Variants in FANCC observed in about 807,000 individuals in gnomAD.
FANCC encodes the protein FA complementation group C.
FANCC carries 55 observed loss-of-function variants against 71.3 expected under a neutral mutation model. The observed-to-expected ratio is 0.77, with a 90% CI of 0.62 to 0.97. The LOEUF (loss-of-function observed/expected upper bound fraction) is 0.97, where lower values mean the gene tolerates loss of function less well. Among genes scored for constraint, FANCC ranks in the 50% least tolerant of loss-of-function variants. The pLI is 0.00. For missense variants in FANCC, 678 were observed against 670.9 expected, an observed-to-expected ratio of 1.01 and a Z score of -0.12; for synonymous variants, 275 against 244.9, an observed-to-expected ratio of 1.12 and a Z score of -1.15.
rs368189463 is a variant in FANCC at position 95,285,731 on chromosome 9, G to C, written c.-79+31795C>G. ...ACAGTTAAACAGCCACTCATATGCA[G>C]GTTTCTGGTAATGTAATTGGTCCAA... On this transcript the variant is annotated intron_variant, in intron 1 of 14. Transcript: ENST00000289081. Among the ~76,000 whole-genome samples the C allele has an allele frequency of 6.5e-4, 99 of 152,142 alleles. 2 individuals are homozygous for C. The highest frequency in any genetic ancestry group is 2.3e-3 in the African/African-American group (96 of 41,518).
intron 3 of FANCC, among the ~76,000 whole-genome samples, chr9:95,244,932 T>C (rs535211981): frequency 7.2e-5 from 11 of 152,144 alleles, no homozygotes; most frequent in Middle Eastern, 6.8e-3. Context: ...TCCATAATTA[T>C]CTACCCTGCA....
intron 4 of FANCC, among the ~76,000 whole-genome samples, chr9:95,204,868 C>A (rs1464781028): frequency 6.6e-6 from 1 of 152,126 alleles, no homozygotes; most frequent in Non-Finnish European, 1.5e-5. Context: ...CCCGATGGCT[C>A]CCCATAAACA....
At chr9:95,234,205 T>C (rs1364891418) in intron 4 of FANCC, among the ~76,000 whole-genome samples, 1 of 152,338 alleles carries the variant, frequency 6.6e-6, no homozygotes, top group East Asian at 1.9e-4. Context: ...TAATTAAAAG[T>C]TGGCAAAAAT....
chr9:95,300,327 A>C (rs1834642916), intron 1 of FANCC, among the ~76,000 whole-genome samples: 1 of 152,186 alleles, frequency 6.6e-6, no homozygotes, highest in South Asian at 2.1e-4. Context: ...GAATGATCCA[A>C]GTAAAAGACT....
At chr9:95,215,228 AG>A in intron 4 of FANCC, among the ~76,000 whole-genome samples, 1 of 152,162 alleles carries the variant, frequency 6.6e-6, no homozygotes, top group African/African-American at 2.4e-5. Context: ...TTTGCATCTG[AG>A]GATGCAAAGA....
At chr9:95,224,504 TAA>T (rs927274972) in intron 4 of FANCC, among the ~76,000 whole-genome samples, 4 of 144,062 alleles carry the variant, frequency 2.8e-5, no homozygotes, top group African/African-American at 7.6e-5. Flanking sequence ...GAAGATTGGT[TAA>T]AAAAAAAAAA....
intron 4 of FANCC, among the ~76,000 whole-genome samples, chr9:95,209,305 T>C (rs1170601383): frequency 6.6e-6 from 1 of 152,168 alleles, no homozygotes; most frequent in East Asian, 1.9e-4. Flanking sequence ...ATGGTGGATA[T>C]GTGTCATTGC....
intron 3 of FANCC, 61 bp downstream of exon 3, chr9:95,247,371 T>C (rs1831051437): frequency 2.5e-6 from 3 of 1,210,720 alleles, no homozygotes; most frequent in South Asian, 2.4e-5. Context: ...AATGTAAGCC[T>C]CTGTGAAACA....
intron 1 of FANCC, among the ~76,000 whole-genome samples, chr9:95,304,776 G>T (rs1310570444): frequency 7.3e-6 from 1 of 137,468 alleles, no homozygotes; most frequent in African/African-American, 2.6e-5. Context: ...AAAAAAAAAA[G>T]GGAAAACAGA....
chr9:95,284,856 TCTCTCACACACACACACACATACACACA>T (rs1401271092), intron 1 of FANCC, among the ~76,000 whole-genome samples: 1 of 132,390 alleles, frequency 7.6e-6, no homozygotes, highest in Non-Finnish European at 1.6e-5. Context: ...AAGACTCCTC[TCTCTCACACACACACACACATACACACA>T]CACACACACA....
At chr9:95,252,000 G>A (rs1173066329) in intron 1 of FANCC, among the ~76,000 whole-genome samples, 1 of 152,130 alleles carries the variant, frequency 6.6e-6, no homozygotes, top group Non-Finnish European at 1.5e-5. Flanking sequence ...TGAAGAGGCG[G>A]GGCACAGTGG....
intron 6 of FANCC, among the ~76,000 whole-genome samples, chr9:95,155,204 C>CA (rs1319128579): frequency 8.1e-6 from 1 of 124,190 alleles, no homozygotes; most frequent in African/African-American, 3.1e-5. Context: ...GAGACCCTGT[C>CA]AAAAAAAGAA....
Position 95,153,873 on chromosome 9 carries a change from G to C in FANCC, c.522-3786C>G, listed in dbSNP as rs540704601. Among the ~76,000 whole-genome samples, 6 of 152,282 alleles carry C rather than the reference G, an allele frequency of 3.9e-5. 1 individual carries two copies. In the South Asian group the frequency reaches 1.0e-3, roughly 26 times the overall value. ...TCCTATCCCCATTTTCTGATGTCCAGAAATTACTTTCAACCCTAATTAATT... is the reference window on the plus strand; with the variant it reads ...TCCTATCCCCATTTTCTGATGTCCACAAATTACTTTCAACCCTAATTAATT... On this transcript the variant is annotated intron_variant, in intron 6 of 14. Coordinates refer to ENST00000289081, the MANE Select transcript of FANCC (RefSeq NM_000136.3).
At chr9:95,153,990 A>C (rs1425481224) in intron 6 of FANCC, among the ~76,000 whole-genome samples, 2 of 152,146 alleles carry the variant, frequency 1.3e-5, no homozygotes, top group Non-Finnish European at 2.9e-5. Flanking sequence ...TCATGCCTGT[A>C]ATCCCAGCAC....
chr9:95,213,626 C>T (rs1828647198), intron 4 of FANCC, among the ~76,000 whole-genome samples: 1 of 152,132 alleles, frequency 6.6e-6, no homozygotes, highest in Admixed American at 6.5e-5. Flanking sequence ...CAACTGTGTA[C>T]CCTTACCTAG....
chr9:95,249,786 A>G (rs74306434), intron 1 of FANCC, among the ~76,000 whole-genome samples: 1 of 152,196 alleles, frequency 6.6e-6, no homozygotes, highest in East Asian at 1.9e-4. Context: ...TGAAGTTCTT[A>G]TGTTTTATAT....
intron 4 of FANCC, among the ~76,000 whole-genome samples, chr9:95,195,839 C>A (rs1827422873): frequency 6.6e-6 from 1 of 152,060 alleles, no homozygotes; most frequent in Non-Finnish European, 1.5e-5. Context: ...TATGTATATA[C>A]CTAAGTATTT....
At chr9:95,268,961 A>G (rs912469164) in intron 1 of FANCC, among the ~76,000 whole-genome samples, 11 of 152,210 alleles carry the variant, frequency 7.2e-5, no homozygotes, top group African/African-American at 2.4e-4. Context: ...CCACCTACTG[A>G]GTTCCAAGGG....
At chr9:95,205,279 G>A (rs60228132) in intron 4 of FANCC, among the ~76,000 whole-genome samples, 3,993 of 152,128 alleles carry the variant, frequency 0.026, 155 homozygotes, top group African/African-American at 0.081. Flanking sequence ...AGTAAGGACT[G>A]TATCTTATGA....
Sources: gnomAD v4.1 joint callset for allele counts (sites outside exome capture counted in the v4.1 genomes callset) on GRCh38, gnomAD v4.1.1 for gene constraint, MANE v1.5 for transcripts, NCBI Gene and HGNC (gene_info 2026-07-23, HGNC 2026-07-21) for gene names.